The following ATP6V1A variants were observed in gnomAD, a reference collection of about 807,000 sequenced individuals.
The protein encoded by ATP6V1A is ATPase H+ transporting V1 subunit A, also known as V-type proton ATPase catalytic subunit A.
Under a neutral mutation model 70.1 loss-of-function variants are expected in ATP6V1A, and 18 were observed. The observed-to-expected ratio is 0.26, with a 90% CI of 0.18 to 0.38. The LOEUF is 0.38. Among genes scored for constraint, ATP6V1A ranks in the 10% least tolerant of loss-of-function variants. The pLI is 1.00. For synonymous variants in ATP6V1A, 232 were observed against 253.8 expected (o/e 0.91, Z 0.82); for missense variants, 424 against 772.4 (o/e 0.55, Z 5.35).
At chr3:113,804,895 C>G (rs557656608) in intron 13 of ATP6V1A, among the ~76,000 whole-genome samples, 1 of 152,326 alleles carries the variant, frequency 6.6e-6, no homozygotes, top group South Asian at 2.1e-4. Flanking sequence ...CTACTACTAA[C>G]TTCAGGAACT....
At position 113,805,640 on chromosome 3, in the gene ATP6V1A, C is replaced by G. The variant is rs1709268310; in HGVS notation, c.1761+115C>G. 6 of 1,014,976 alleles carry G rather than the reference C, an allele frequency of 5.9e-6. No individual in the cohort carries two copies. In the South Asian group the frequency reaches 6.7e-5, roughly 11 times the overall value. 62.9% of individuals were successfully genotyped at this position (1,014,976 alleles called of 1,614,324 possible). A position where few individuals can be genotyped will look rare whatever the true frequency, so the allele number is the denominator to read the frequency against. On this transcript the variant is annotated intron_variant, in intron 14 of 14. Coordinates refer to ENST00000273398, the MANE Select transcript of ATP6V1A (RefSeq NM_001690.4). ...CTGGAGTGCAGTGGCATGATCTTGT[C>G]TCACTGCAACCTCTGCCTCCTGGGT...
At chr3:113,803,939 A>G (rs1277656821) in intron 13 of ATP6V1A, among the ~76,000 whole-genome samples, 1 of 152,068 alleles carries the variant, frequency 6.6e-6, no homozygotes. Flanking sequence ...GAGCCTGGGG[A>G]TTATTCCCTC....
chr3:113,750,000 A>G (rs1197880559), intron 1 of ATP6V1A, among the ~76,000 whole-genome samples: 1 of 152,226 alleles, frequency 6.6e-6, no homozygotes, highest in Non-Finnish European at 1.5e-5. Context: ...AGAGAAGGGA[A>G]GAGGAATGAA....
At chr3:113,777,269 T>C (rs1208005883) in intron 1 of ATP6V1A, among the ~76,000 whole-genome samples, 4 of 152,032 alleles carry the variant, frequency 2.6e-5, no homozygotes, top group African/African-American at 7.2e-5. Flanking sequence ...TGTGTTCCAC[T>C]AAAAGAAAAA....
chr3:113,755,138 G>A (rs1708633013), intron 1 of ATP6V1A, among the ~76,000 whole-genome samples: 1 of 152,194 alleles, frequency 6.6e-6, no homozygotes, highest in Admixed American at 6.5e-5. Context: ...CAGACTGTGT[G>A]AGTCAAATCC....
At chr3:113,772,584 C>T (rs986937434) in intron 1 of ATP6V1A, among the ~76,000 whole-genome samples, 9 of 151,922 alleles carry the variant, frequency 5.9e-5, no homozygotes, top group African/African-American at 1.9e-4. Flanking sequence ...AAAAATTAGC[C>T]GGGCGTGGTG....
intron 1 of ATP6V1A, among the ~76,000 whole-genome samples, chr3:113,772,933 C>CTTTTTTTTTTTTTT (rs762901487): frequency 3.0e-4 from 27 of 90,450 alleles, no homozygotes; most frequent in African/African-American, 1.1e-3. Context: ...TTAATATTGG[C>CTTTTTTTTTTTTTT]TTTTTTTTTT....
intron 6 of ATP6V1A, 41 bp downstream of exon 6, chr3:113,786,424 T>C (rs1709041010): frequency 6.3e-7 from 1 of 1,594,432 alleles, no homozygotes; most frequent in Non-Finnish European, 8.6e-7. Flanking sequence ...CTCAGAGTTA[T>C]TATATGTGCT....
At chr3:113,808,270 C>T (rs1222632894) in intron 14 of ATP6V1A, among the ~76,000 whole-genome samples, 2 of 144,890 alleles carry the variant, frequency 1.4e-5, no homozygotes, top group African/African-American at 5.0e-5. Flanking sequence ...AGACCTGGAA[C>T]ATTTTAAAGT....
chr3:113,805,491 A>C lies in ATP6V1A; in HGVS notation c.1727A>C (p.Asp576Ala). The C allele has an allele frequency of 1.9e-6, 3 of 1,613,954 alleles. No individual in the cohort carries two copies. The highest frequency in any genetic ancestry group is 2.5e-6 in the Non-Finnish European group (3 of 1,179,862). ...TWSIIREHMG[D>A]ILYKLSSMKF... Reference sequence around the variant, plus strand: ...TCCATTATTCGTGAGCACATGGGAGACATCCTCTATAAACTTTCCTCCATG... The same window carrying C: ...TCCATTATTCGTGAGCACATGGGAGCCATCCTCTATAAACTTTCCTCCATG... Residue 576 changes from aspartate (D) to alanine (A), a missense_variant, in exon 14 of 15, where the codon GAC (aspartate) becomes GCC (alanine). Coordinates refer to ENST00000273398, the MANE Select transcript of ATP6V1A (RefSeq NM_001690.4).
chr3:113,803,501 A>G (rs1374266303), intron 12 of ATP6V1A, 82 bp from the exon 13 acceptor site: 50 of 1,022,968 alleles, frequency 4.9e-5, no homozygotes, highest in Non-Finnish European at 6.4e-5. Flanking sequence ...AAACTATATA[A>G]TAGTTTCTGC....
chr3:113,749,263 TCACACACACACACACACACACACACA>T (rs58516178), intron 1 of ATP6V1A, among the ~76,000 whole-genome samples: 1 of 141,162 alleles, frequency 7.1e-6, no homozygotes, highest in Non-Finnish European at 1.5e-5. Flanking sequence ...TATACACAGA[TCACACACACACACACACACACACACA>T]CACACACACA....
In ATP6V1A at chr3:113,769,465, T is replaced by C. The variant is rs539650668; in HGVS notation, c.-13-9276T>C. Among the ~76,000 whole-genome samples, 4 of 152,306 alleles carry C rather than the reference T, an allele frequency of 2.6e-5. No individual in the cohort carries two copies. In the South Asian group the frequency reaches 8.3e-4, roughly 32 times the overall value. Reference sequence around the variant, plus strand: ...AACAAGTGTTACATCAAAATAATGCTTCATTATCAATGAAGTGCCCCAGGA... The same window carrying C: ...AACAAGTGTTACATCAAAATAATGCCTCATTATCAATGAAGTGCCCCAGGA... On this transcript the variant is annotated intron_variant, in intron 1 of 14. Transcript: ENST00000273398.
Position 113,811,655 on chromosome 3 carries a change from G to A in ATP6V1A, c.*2228G>A, listed in dbSNP as rs879817438. 4 of 152,674 alleles carry A rather than the reference G, an allele frequency of 2.6e-5. No individual in the cohort carries two copies. Among genetic ancestry groups the A allele is most frequent in the Admixed American group, 2.6e-4 (4 of 15,276 alleles). The allele number at this position is 152,674 out of a possible 1,614,324, so 9.5% of individuals were successfully genotyped here. ...TTGAAATCATTCTTATTCCCTTTAA[G>A]AATGTTTATGTATGAGTGTGAAGAT... is the stretch of plus-strand genomic sequence containing the variant. On this transcript the variant is annotated 3_prime_UTR_variant, in exon 15 of 15. Coordinates refer to ENST00000273398, the MANE Select transcript of ATP6V1A (RefSeq NM_001690.4).
rs114864395 is a variant in ATP6V1A at position 113,759,737 on chromosome 3, G to A, written c.-14+12624G>A. Among the ~76,000 whole-genome samples, 684 of 152,266 alleles carry A rather than the reference G, an allele frequency of 4.5e-3. 3 individuals carry two copies. The highest frequency in any genetic ancestry group is 0.015 in the African/African-American group (628 of 41,564). ...TGGCCATCAAGCATTAGGCCAAAAT[G>A]TGTATTCAGTGTACTTTGAAAGGGT... On this transcript the variant is annotated intron_variant, in intron 1 of 14. Transcript: ENST00000273398.
At chr3:113,778,317 T>C (rs979087009) in intron 1 of ATP6V1A, among the ~76,000 whole-genome samples, 41 of 152,092 alleles carry the variant, frequency 2.7e-4, no homozygotes, top group Non-Finnish European at 5.9e-5. Flanking sequence ...TTGCTTGAAC[T>C]CGGGAGGCAG....
chr3:113,771,680 G>C (rs190494239), intron 1 of ATP6V1A, among the ~76,000 whole-genome samples: 1 of 151,896 alleles, frequency 6.6e-6, no homozygotes, highest in East Asian at 1.9e-4. Flanking sequence ...CTCATGATCC[G>C]CCTGCCTCGG....
chr3:113,780,900 C>A lies in ATP6V1A; in HGVS notation c.83-150C>A, dbSNP rs541045976. 1.4e-5 allele frequency: 18 copies of A among 1,299,910 alleles called. No individual in the cohort carries two copies. The South Asian group carries it at 2.6e-4, about 19-fold the overall frequency. The allele number at this position is 1,299,910 out of a possible 1,614,324, so 80.5% of individuals were successfully genotyped here. On this transcript the variant is annotated intron_variant, in intron 2 of 14. Transcript: ENST00000273398. ...CACTAAAATATATATCTATGTGAAACTACCAGTATGTTCCATAGTAGGTTT... is the reference window on the plus strand; with the variant it reads ...CACTAAAATATATATCTATGTGAAAATACCAGTATGTTCCATAGTAGGTTT...
rs1391551700 is a variant in ATP6V1A, at chr3:113,784,366, C to A, written c.354C>A (p.Ile118=). Reference sequence around the variant, plus strand: ...GCAGTCAGACCCAAAGCATCTACATCCCCAGAGGAGTAAACGTGTCTGCTC... The same window carrying A: ...GCAGTCAGACCCAAAGCATCTACATACCCAGAGGAGTAAACGTGTCTGCTC... ...DISSQTQSIY[I]PRGVNVSALS... Residue 118 remains isoleucine, a synonymous_variant, in exon 4 of 15, where the codon ATC becomes ATA. Coordinates refer to ENST00000273398, the MANE Select transcript of ATP6V1A (RefSeq NM_001690.4). 1.2e-6 allele frequency: 2 copies of A among 1,614,020 alleles called. No homozygotes were observed. The highest frequency in any genetic ancestry group is 1.3e-5 in the African/African-American group (1 of 74,922).
Sources: gnomAD v4.1 joint callset for allele counts (sites outside exome capture counted in the v4.1 genomes callset) on GRCh38, gnomAD v4.1.1 for gene constraint, MANE v1.5 for transcripts, NCBI Gene and HGNC (gene_info 2026-07-23, HGNC 2026-07-21) for gene names.